The following ESRP1 variants were observed in gnomAD, a reference collection of about 807,000 sequenced individuals.
ESRP1 encodes the protein epithelial splicing regulatory protein 1.
Under a neutral mutation model 81.7 loss-of-function variants are expected in ESRP1, and 33 were observed. The ratio of observed to expected loss-of-function variants is 0.40; its 90% confidence interval spans 0.31 to 0.54. The LOEUF is 0.54. Among genes scored for constraint, ESRP1 ranks in the 20% least tolerant of loss-of-function variants. The pLI is 0.41. For synonymous variants in ESRP1, 320 were observed against 303.3 expected (o/e 1.06, Z -0.57); for missense variants, 672 against 833.1 (o/e 0.81, Z 2.38).
chr8:94,662,238 C>T (rs1204583120), intron 4 of ESRP1, 34 bp from the exon 5 acceptor site: 1 of 1,369,090 alleles, frequency 7.3e-7, no homozygotes. Flanking sequence ...CTGATTTTAC[C>T]TTTCCAAAGT....
chr8:94,644,741 A>G (rs993767615), intron 3 of ESRP1, among the ~76,000 whole-genome samples: 1 of 152,210 alleles, frequency 6.6e-6, no homozygotes, highest in Non-Finnish European at 1.5e-5. Context: ...AGCCACAGCT[A>G]TTAGAATTTT....
Position 94,671,250 on chromosome 8 carries a change from A to T in ESRP1, c.1234-203A>T, listed in dbSNP as rs1042131306. Among the ~76,000 whole-genome samples the T allele has an allele frequency of 2.6e-5, 4 of 152,206 alleles. No individual in the cohort carries two copies. In the South Asian group the frequency reaches 8.3e-4, roughly 32 times the overall value. ...ATGCTTTCCCTGCTGGAATGCATGA[A>T]TCCCTTTCTCCATTACTTCTCAAAC... On this transcript the variant is annotated intron_variant, in intron 10 of 15. Coordinates refer to ENST00000433389, the MANE Select transcript of ESRP1 (RefSeq NM_017697.4).
chr8:94,667,470 G>A (rs1819089925), intron 9 of ESRP1, among the ~76,000 whole-genome samples: 1 of 150,468 alleles, frequency 6.6e-6, no homozygotes, highest in Non-Finnish European at 1.5e-5. Flanking sequence ...ACTTGCAGAT[G>A]GTTTTCTTGG....
chr8:94,676,078 G>T (rs1322358752), intron 12 of ESRP1, among the ~76,000 whole-genome samples: 1 of 152,118 alleles, frequency 6.6e-6, no homozygotes, highest in African/African-American at 2.4e-5. Context: ...AGATATATAA[G>T]ATTAGCTATC....
chr8:94,661,210 T>G (rs1178142459), intron 4 of ESRP1, among the ~76,000 whole-genome samples: 1 of 152,038 alleles, frequency 6.6e-6, no homozygotes, highest in Non-Finnish European at 1.5e-5. Context: ...CTGGTTAATT[T>G]TGGTATTTTT....
chr8:94,679,037 A>G (rs1273331614), intron 13 of ESRP1, among the ~76,000 whole-genome samples: 1 of 152,216 alleles, frequency 6.6e-6, no homozygotes, highest in Non-Finnish European at 1.5e-5. Flanking sequence ...GAGCATGTAA[A>G]TGAGGCTTAT....
At chr8:94,696,036 C>A (rs1020164061) in intron 14 of ESRP1, among the ~76,000 whole-genome samples, 3 of 152,186 alleles carry the variant, frequency 2.0e-5, no homozygotes. Flanking sequence ...GCACTCCAGC[C>A]TGGGTGACAG....
chr8:94,646,538 A>C (rs1274962411), intron 4 of ESRP1: 1 of 303,052 alleles, frequency 3.3e-6, no homozygotes, highest in South Asian at 5.3e-5. Flanking sequence ...ATTCAGTTTC[A>C]GCTGTGTAAT....
In ESRP1 at chr8:94,646,390, G is replaced by T. The variant is rs1817852949; in HGVS notation, c.490+108G>T. 5.8e-6 allele frequency: 4 copies of T among 687,268 alleles called. No homozygotes were observed. In the Admixed American group the frequency reaches 1.3e-4, roughly 22 times the overall value. The allele number at this position is 687,268 out of a possible 1,614,324, so 42.6% of individuals were successfully genotyped here. A position where few individuals can be genotyped will look rare whatever the true frequency, so the allele number is the denominator to read the frequency against. On this transcript the variant is annotated intron_variant, in intron 4 of 15. Transcript: ENST00000433389. ...ATTTTGTCAGCATATGGATAAAATT[G>T]GCCTATCCAAAATTTGTTTACTCTG...
At chr8:94,701,662 T>C (rs1021077056) in intron 15 of ESRP1, among the ~76,000 whole-genome samples, 56 of 152,038 alleles carry the variant, frequency 3.7e-4, no homozygotes, top group Non-Finnish European at 1.5e-4. Context: ...CCCAGTCTGG[T>C]CTTGAACTTC....
chr8:94,652,234 C>T (rs2130562963), intron 4 of ESRP1, among the ~76,000 whole-genome samples: 1 of 152,080 alleles, frequency 6.6e-6, no homozygotes, highest in African/African-American at 2.4e-5. Flanking sequence ...GTGATCTGCC[C>T]TCCTCGGCTT....
intron 13 of ESRP1, among the ~76,000 whole-genome samples, chr8:94,690,398 G>T (rs576254161): frequency 1.2e-3 from 173 of 147,826 alleles, no homozygotes; most frequent in African/African-American, 4.2e-3. Flanking sequence ...CTCCCAAAGT[G>T]CTGGGATCAC....
intron 10 of ESRP1, among the ~76,000 whole-genome samples, chr8:94,668,916 C>CT (rs1819164041): frequency 6.6e-6 from 1 of 152,076 alleles, no homozygotes; most frequent in Non-Finnish European, 1.5e-5. Flanking sequence ...GCCTCAGCCT[C>CT]TGAGTAGCTG....
intron 4 of ESRP1, among the ~76,000 whole-genome samples, chr8:94,653,269 T>C (rs184695759): frequency 1.3e-5 from 2 of 152,314 alleles, no homozygotes; most frequent in African/African-American, 4.8e-5. Flanking sequence ...CTATTATCAG[T>C]GTGTGACATT....
intron 13 of ESRP1, among the ~76,000 whole-genome samples, chr8:94,684,498 C>T (rs1024357034): frequency 6.6e-6 from 1 of 152,144 alleles, no homozygotes; most frequent in Non-Finnish European, 1.5e-5. Context: ...TTAGGTTTTA[C>T]ACTGGCAAGG....
chr8:94,701,451 T>A (rs918095104), intron 15 of ESRP1, among the ~76,000 whole-genome samples: 1 of 152,078 alleles, frequency 6.6e-6, no homozygotes. Context: ...AGTGGAGATA[T>A]GCTTCATTTA....
At chr8:94,685,307 CTG>C (rs1809093655) in intron 13 of ESRP1, among the ~76,000 whole-genome samples, 1 of 152,056 alleles carries the variant, frequency 6.6e-6, no homozygotes, top group Non-Finnish European at 1.5e-5. Flanking sequence ...TTAGGCTACA[CTG>C]TATATTATAA....
intron 14 of ESRP1, among the ~76,000 whole-genome samples, 172 bp downstream of exon 14, chr8:94,692,999 G>T (rs1186547940): frequency 6.7e-6 from 1 of 149,184 alleles, no homozygotes. Flanking sequence ...ACCAACTTCA[G>T]ACTCATCCCC....
At position 94,668,058 on chromosome 8, in the gene ESRP1, A is replaced by T. The variant is rs752479293; in HGVS notation, c.1041A>T (p.Gly347=). The T allele has an allele frequency of 6.2e-7, 1 of 1,613,926 alleles. No individual in the cohort carries two copies. Among genetic ancestry groups the T allele is most frequent in the South Asian group, 1.1e-5 (1 of 91,078 alleles). Residue 347 remains glycine (G), a synonymous_variant, in exon 10 of 16, where the codon GGA becomes GGT. Transcript: ENST00000433389. ...CTGAAGAAGTGGTGGCCTTCTTTGG[A>T]CAGCATTGCCCTATTACTGGGGGAA... ...ATAEEVVAFF[G]QHCPITGGKE...
Sources: gnomAD v4.1 joint callset for allele counts (sites outside exome capture counted in the v4.1 genomes callset) on GRCh38, gnomAD v4.1.1 for gene constraint, MANE v1.5 for transcripts, NCBI Gene and HGNC (gene_info 2026-07-23, HGNC 2026-07-21) for gene names.